Variants in ANKFN1 observed in about 807,000 individuals in gnomAD.
The protein encoded by ANKFN1 is ankyrin repeat and fibronectin type III domain containing 1, also known as ankyrin repeat and fibronectin type-III domain-containing protein 1.
A neutral mutation model predicts 108.7 loss-of-function variants in ANKFN1; 74 were observed. The observed-to-expected ratio is 0.68, with a 90% CI of 0.56 to 0.83. The LOEUF (loss-of-function observed/expected upper bound fraction) is 0.83, where lower values mean the gene tolerates loss of function less well. Ranked by LOEUF, ANKFN1 falls within the 40% of genes least tolerant of loss-of-function variation. The pLI is 0.00. For missense variants in ANKFN1, 1,505 were observed against 1,382.3 expected, an observed-to-expected ratio of 1.09 and a Z score of -1.41; for synonymous variants, 547 against 516.2, an observed-to-expected ratio of 1.06 and a Z score of -0.81.
chr17:56,206,468 C>A (rs1914544320), intron 1 of ANKFN1: 1 of 152,052 alleles, frequency 6.6e-6, no homozygotes. Flanking sequence ...CTATTCAACC[C>A]CCTCTTTCTG....
At chr17:56,316,677 G>A (rs1280251200) in intron 3 of ANKFN1, among the ~76,000 whole-genome samples, 1 of 152,144 alleles carries the variant, frequency 6.6e-6, no homozygotes, top group Non-Finnish European at 1.5e-5. Context: ...ATTTTGACTG[G>A]CACTCAGGAG....
chr17:56,357,303 G>C (rs924941915), intron 6 of ANKFN1, among the ~76,000 whole-genome samples: 2 of 152,184 alleles, frequency 1.3e-5, no homozygotes, highest in Non-Finnish European at 2.9e-5. Context: ...AACCCTACAG[G>C]ATAAAGTTAT....
chr17:56,325,262 CTGTGTGTGTGTG>C (rs57226368), intron 3 of ANKFN1, among the ~76,000 whole-genome samples: 8 of 149,514 alleles, frequency 5.4e-5, no homozygotes, highest in Non-Finnish European at 1.0e-4. Context: ...GCTAGTGTCG[CTGTGTGTGTGTG>C]TGTGTGTGTG....
Position 56,512,036 on chromosome 17 carries a change from A to G in ANKFN1, c.*767A>G, listed in dbSNP as rs748641456. 6.6e-6 allele frequency among the ~76,000 whole-genome samples: 1 copy of G among 152,228 alleles called. No homozygotes were observed. The highest frequency in any genetic ancestry group is 2.4e-5 in the African/African-American group (1 of 41,452). ...TCCCATCCAAGCATGAAAATGATCC[A>G]TAGATTTTTACAGGGGTCAAGGAGA... On this transcript the variant is annotated 3_prime_UTR_variant, in exon 21 of 21. Transcript: ENST00000682825.
At chr17:56,145,646 G>A (rs909377101) in intron 4 of ANKFN1, among the ~76,000 whole-genome samples, 9 of 152,070 alleles carry the variant, frequency 5.9e-5, no homozygotes, top group South Asian at 4.1e-4. Flanking sequence ...GGGGATTACT[G>A]GAATTACAAT....
At chr17:56,400,763 T>A (rs182623494) in intron 8 of ANKFN1, among the ~76,000 whole-genome samples, 3 of 152,262 alleles carry the variant, frequency 2.0e-5, no homozygotes, top group South Asian at 2.1e-4. Flanking sequence ...TGATTTTTTT[T>A]ATAAGGTGAG....
At chr17:56,159,727 T>C (rs910466390) in intron 1 of ANKFN1, among the ~76,000 whole-genome samples, 21 of 152,200 alleles carry the variant, frequency 1.4e-4, no homozygotes, top group African/African-American at 4.8e-4. Context: ...TCGTCAGTCT[T>C]GCAGTCTGAT....
At chr17:56,131,947 A>T (rs1382188563) in intron 4 of ANKFN1, among the ~76,000 whole-genome samples, 1 of 152,234 alleles carries the variant, frequency 6.6e-6, no homozygotes, top group Non-Finnish European at 1.5e-5. Flanking sequence ...TCTGAAATCT[A>T]CAAATGTGTA....
Position 56,510,504 on chromosome 17 carries a change from C to T in ANKFN1, c.2676C>T (p.Cys892=). Residue 892 remains cysteine, a synonymous_variant, in exon 21 of 21, where the codon TGC becomes TGT. Coordinates refer to ENST00000682825, the MANE Select transcript of ANKFN1 (RefSeq NM_001370326.1). ...AGCCCTGCTCTGATGAAGAAGCCTG[C>T]TCAGAAGTCTTCCTCCCCACCAACA... is the stretch of plus-strand genomic sequence containing the variant. ...DSQPCSDEEA[C]SEVFLPTNSD... is the part of the protein sequence containing the mutation. The T allele has an allele frequency of 6.5e-7, 1 of 1,536,182 alleles. No individual in the cohort carries two copies. The highest frequency in any genetic ancestry group is 8.7e-7 in the Non-Finnish European group (1 of 1,146,912).
chr17:56,208,091 C>T (rs1186606138), intron 1 of ANKFN1, among the ~76,000 whole-genome samples: 2 of 152,190 alleles, frequency 1.3e-5, no homozygotes, highest in Non-Finnish European at 2.9e-5. Flanking sequence ...CTTGCTGCAA[C>T]CTCCACCTCC....
intron 8 of ANKFN1, among the ~76,000 whole-genome samples, chr17:56,386,319 T>G (rs1267839947): frequency 2.0e-5 from 3 of 148,416 alleles, no homozygotes; most frequent in Non-Finnish European, 3.0e-5. Flanking sequence ...TGGGGACTGT[T>G]GTGGGGTGGG....
chr17:56,390,920 G>A (rs113073429), intron 8 of ANKFN1, among the ~76,000 whole-genome samples: 4,394 of 151,708 alleles, frequency 0.029, 180 homozygotes, highest in African/African-American at 0.099. Context: ...CCTTTTCTTC[G>A]AAGTAATATT....
intron 14 of ANKFN1, among the ~76,000 whole-genome samples, chr17:56,462,535 G>A (rs546316838): frequency 5.1e-4 from 77 of 152,206 alleles, no homozygotes; most frequent in South Asian, 8.3e-4. Flanking sequence ...CGGAGGTTGT[G>A]GTGAGCTGAG....
chr17:56,361,772 C>A (rs111781528), intron 6 of ANKFN1, among the ~76,000 whole-genome samples: 311 of 152,128 alleles, frequency 2.0e-3, no homozygotes, highest in African/African-American at 7.1e-3. Context: ...ACCCCACTTC[C>A]GAGCTTACTC....
At chr17:56,401,679 C>G (rs1427970945) in intron 8 of ANKFN1, among the ~76,000 whole-genome samples, 2 of 151,620 alleles carry the variant, frequency 1.3e-5, no homozygotes, top group African/African-American at 2.4e-5. Flanking sequence ...CCCTTTTTTT[C>G]TCTTGTCTGA....
At chr17:56,457,522 T>C (rs950855757) in intron 13 of ANKFN1, 133 bp downstream of exon 13, 1 of 1,027,640 alleles carries the variant, frequency 9.7e-7, no homozygotes, top group Admixed American at 2.6e-5. Flanking sequence ...CAAGGTCCTT[T>C]TCAGCCCTGG....
chr17:56,302,275 G>T (rs140143137), intron 3 of ANKFN1, among the ~76,000 whole-genome samples: 1 of 152,044 alleles, frequency 6.6e-6, no homozygotes, highest in African/African-American at 2.4e-5. Flanking sequence ...CGGTAATCCC[G>T]TTCCTTGGGG....
At chr17:56,257,969 A>G (rs751529999) in intron 3 of ANKFN1, 9 of 152,090 alleles carry the variant, frequency 5.9e-5, no homozygotes, top group Non-Finnish European at 1.0e-4. Flanking sequence ...TCATTACTCC[A>G]CTTAGAATAT....
At chr17:56,099,249 G>A (rs8081603) in intron 4 of ANKFN1, among the ~76,000 whole-genome samples, 5,506 of 152,308 alleles carry the variant, frequency 0.036, 113 homozygotes, top group Middle Eastern at 0.082. Flanking sequence ...CACAGAAAAG[G>A]ATTGATGGAT....
Sources: gnomAD v4.1 joint callset for allele counts (sites outside exome capture counted in the v4.1 genomes callset) on GRCh38, gnomAD v4.1.1 for gene constraint, MANE v1.5 for transcripts, NCBI Gene and HGNC (gene_info 2026-07-23, HGNC 2026-07-21) for gene names.